LIMK1: variants seen among roughly 807,000 people sequenced by gnomAD.
The protein encoded by LIMK1 is LIM domain kinase 1.
Under a neutral mutation model 77.6 loss-of-function variants are expected in LIMK1, and 21 were observed. The ratio of observed to expected loss-of-function variants is 0.27; its 90% CI spans 0.19 to 0.39. LIMK1 has a LOEUF of 0.39. LIMK1 is among the 10% of genes least tolerant of loss of function. The pLI, the probability that LIMK1 is intolerant of heterozygous loss-of-function variation, is 1.00. For synonymous variants in LIMK1, 358 were observed against 370.0 expected (o/e 0.97, Z 0.37); for missense variants, 696 against 901.6 (o/e 0.77, Z 2.92).
At position 74,121,005 on chromosome 7, in the gene LIMK1, C is replaced by G; in HGVS notation, c.1737C>G (p.Phe579Leu). 1 of 1,599,036 alleles carries G rather than the reference C, an allele frequency of 6.3e-7. No homozygotes were observed. Among genetic ancestry groups the G allele is most frequent in the Non-Finnish European group, 8.5e-7 (1 of 1,172,494 alleles). Residue 579 changes from phenylalanine to leucine, a missense_variant, in exon 15 of 16, where the codon TTC becomes TTG. Transcript: ENST00000336180. The stretch of plus-strand genomic sequence containing the variant: ...GCCCCCCAAACTGCCCCCCGAGCTT[C>G]TTCCCCATCACCGTGCGCTGTTGCG... Reference protein sequence around the residue: ...RYCPPNCPPSFFPITVRCCDL... With the variant: ...RYCPPNCPPSLFPITVRCCDL...
chr7:74,106,874 C>T (rs925348935), intron 7 of LIMK1, 136 bp from the exon 8 acceptor site: 8 of 854,860 alleles, frequency 9.4e-6, no homozygotes, highest in Non-Finnish European at 1.0e-5. Context: ...CTGTCCCAGG[C>T]GGGCCCTCCC....
intron 3 of LIMK1, 56 bp from the exon 4 acceptor site, chr7:74,097,024 T>C (rs1275414970): frequency 7.3e-7 from 1 of 1,368,160 alleles, no homozygotes; most frequent in Non-Finnish European, 1.0e-6. Context: ...GGGGAGGATC[T>C]GTGGGGGTTG....
intron 13 of LIMK1, among the ~76,000 whole-genome samples, chr7:74,116,998 C>T (rs1799828324): frequency 6.6e-6 from 1 of 152,112 alleles, no homozygotes; most frequent in African/African-American, 2.4e-5. Flanking sequence ...TCTCCTGCCT[C>T]AGCCTCCCGA....
At chr7:74,092,053 G>A (rs1554694878) in intron 2 of LIMK1, among the ~76,000 whole-genome samples, 1 of 130,548 alleles carries the variant, frequency 7.7e-6, no homozygotes. Context: ...TGCAACCTCC[G>A]CCTCCCGGGT....
chr7:74,117,146 G>C (rs1483860041), intron 13 of LIMK1, among the ~76,000 whole-genome samples: 1 of 152,152 alleles, frequency 6.6e-6, no homozygotes, highest in Non-Finnish European at 1.5e-5. Context: ...CTCCCAAAGT[G>C]CTGGGATTAC....
At chr7:74,111,525 G>A (rs782730088) in intron 10 of LIMK1, 123 bp from the exon 11 acceptor site, 16 of 731,974 alleles carry the variant, frequency 2.2e-5, no homozygotes, top group African/African-American at 5.2e-5. Flanking sequence ...CGAAGAAATC[G>A]GGGTGTTGGG....
rs782786185 is a variant in LIMK1, at chr7:74,099,184, C to G, written c.554C>G (p.Pro185Arg). 20 of 1,611,840 alleles carry G rather than the reference C, an allele frequency of 1.2e-5. No individual in the cohort carries two copies. Among genetic ancestry groups the G allele is most frequent in the Non-Finnish European group, 1.5e-5 (18 of 1,180,042 alleles). Residue 185 changes from proline to arginine, a missense_variant, in exon 5 of 16, where the codon CCG becomes CGG. Physicochemically the swap from Pro to Arg is moderately radical, Grantham distance 103. Around this residue, in one of 3 missense-constraint regions of LIMK1, gnomAD observed 252 missense variants for 279.4 expected, o/e 0.90. Transcript: ENST00000336180. ...GGACTTTCAGTCTCCATTGACCCCC[C>G]GCACGGCCCACCGGGCTGTGGCACC... ...KRGLSVSIDPPHGPPGCGTEH... is the reference protein window; with the variant it reads ...KRGLSVSIDPRHGPPGCGTEH...
intron 4 of LIMK1, among the ~76,000 whole-genome samples, chr7:74,098,363 G>A (rs887134430): frequency 3.3e-5 from 5 of 152,178 alleles, no homozygotes; most frequent in Non-Finnish European, 7.3e-5. Context: ...GATCAAGCTG[G>A]ATTAGAGGAC....
intron 12 of LIMK1, among the ~76,000 whole-genome samples, chr7:74,114,411 C>T (rs535627167): frequency 1.5e-4 from 23 of 151,582 alleles, no homozygotes; most frequent in Non-Finnish European, 3.2e-4. Context: ...AATTAGCTGG[C>T]ATGGTGGTGA....
intron 2 of LIMK1, among the ~76,000 whole-genome samples, chr7:74,092,869 G>C (rs1180477733): frequency 1.3e-5 from 2 of 152,132 alleles, no homozygotes; most frequent in Non-Finnish European, 2.9e-5. Flanking sequence ...AGCTGCTTTT[G>C]AGCTTGTCCC....
At chr7:74,089,978 G>T (rs1554694560) in intron 2 of LIMK1, among the ~76,000 whole-genome samples, 1 of 152,116 alleles carries the variant, frequency 6.6e-6, no homozygotes, top group African/African-American at 2.4e-5. Context: ...GGTGTACCTG[G>T]CTTTGGAGTG....
At chr7:74,105,793 G>A in intron 5 of LIMK1, 82 bp from the exon 6 acceptor site, 1 of 914,228 alleles carries the variant, frequency 1.1e-6, no homozygotes, top group Non-Finnish European at 1.8e-6. Context: ...GCTCACCCTG[G>A]ATCTGGTGCC....
Position 74,121,155 on chromosome 7 carries a change from C to T in LIMK1, c.1798C>T (p.Leu600=). ...DPEKRPSFVK[L]EHWLETLRMH... is the part of the protein sequence containing the mutation. ...GTCACCCAGGCCATCCTTTGTGAAG[C>T]TGGAACACTGGCTGGAGACCCTCCG... Residue 600 remains leucine, a synonymous_variant, in exon 16 of 16, where the codon CTG becomes TTG. Transcript: ENST00000336180. 1 of 1,613,700 alleles carries T rather than the reference C, an allele frequency of 6.2e-7. No individual in the cohort carries two copies. Among genetic ancestry groups the T allele is most frequent in the Non-Finnish European group, 8.5e-7 (1 of 1,179,788 alleles).
chr7:74,104,715 G>C (rs1417628975), intron 5 of LIMK1, among the ~76,000 whole-genome samples: 1 of 152,278 alleles, frequency 6.6e-6, no homozygotes, highest in South Asian at 2.1e-4. Context: ...GTCTTTTTGT[G>C]AGTTAGCTTA....
intron 5 of LIMK1, among the ~76,000 whole-genome samples, chr7:74,102,673 A>G (rs1443638545): frequency 2.0e-5 from 3 of 150,812 alleles, no homozygotes; most frequent in African/African-American, 7.3e-5. Flanking sequence ...GTAATTATCA[A>G]TTGTATCTTA....
intron 1 of LIMK1, 35 bp from the exon 2 acceptor site, chr7:74,085,713 T>G: frequency 1.6e-5 from 24 of 1,526,382 alleles, no homozygotes; most frequent in Non-Finnish European, 1.6e-5. Flanking sequence ...TCACACTTCC[T>G]GAGAATGCTT....
chr7:74,107,388 C>G (rs1012574008), intron 8 of LIMK1, among the ~76,000 whole-genome samples, 195 bp downstream of exon 8: 1 of 152,108 alleles, frequency 6.6e-6, no homozygotes, highest in African/African-American at 2.4e-5. Context: ...ACCTTATGTG[C>G]GGGAGGTCAT....
chr7:74,089,290 C>A (rs1188087702), intron 2 of LIMK1, among the ~76,000 whole-genome samples: 2 of 152,056 alleles, frequency 1.3e-5, no homozygotes, highest in African/African-American at 4.8e-5. Flanking sequence ...AGGTGGATCT[C>A]TTGAGCCCAG....
At chr7:74,111,470 G>C (rs901324778) in intron 10 of LIMK1, 178 bp from the exon 11 acceptor site, 1 of 607,170 alleles carries the variant, frequency 1.6e-6, no homozygotes, top group Non-Finnish European at 2.9e-6. Flanking sequence ...ATGTCTGTGA[G>C]CTGTGTTGAC....
Sources: allele counts gnomAD v4.1 joint callset (sites outside exome capture counted in the v4.1 genomes callset), GRCh38; gene constraint gnomAD v4.1.1; regional missense constraint gnomAD v4.1.1; transcripts MANE v1.5; gene names NCBI Gene and HGNC (gene_info 2026-07-23, HGNC 2026-07-21).